BTBD7: variants seen among roughly 807,000 people sequenced by gnomAD.
The protein encoded by BTBD7 is BTB/POZ domain-containing protein 7.
BTBD7 carries 38 observed loss-of-function variants against 99.9 expected under a neutral mutation model. The ratio of observed to expected loss-of-function variants is 0.38; its 90% confidence interval spans 0.29 to 0.50. BTBD7 has a LOEUF of 0.50. Among genes scored for constraint, BTBD7 ranks in the 20% least tolerant of loss-of-function variants. The probability of loss-of-function intolerance (pLI) is 0.93; values close to 1 mark genes in which losing one functional copy is unlikely to be tolerated. For missense variants in BTBD7, 1,170 were observed against 1,394.6 expected (o/e 0.84, Z 2.57); for synonymous variants, 520 against 511.4 (o/e 1.02, Z -0.23).
At position 93,304,307 on chromosome 14, in the gene BTBD7, A is replaced by T. The variant is rs141292087; in HGVS notation, c.-106-8150T>A. On this transcript the variant is annotated intron_variant, in intron 1 of 10. Coordinates refer to ENST00000334746, the MANE Select transcript of BTBD7 (RefSeq NM_001002860.4). ...TGTACAGAAAGATGGTTCACTCTAG[A>T]TTTAGAGATGGTGATAAAAATGAGT... 1.6e-3 allele frequency among the ~76,000 whole-genome samples: 246 copies of T among 152,288 alleles called. 3 individuals carry two copies. Among genetic ancestry groups the T allele is most frequent in the Non-Finnish European group, 4.9e-4 (33 of 68,020 alleles).
intron 1 of BTBD7, among the ~76,000 whole-genome samples, chr14:93,328,779 G>A (rs79844160): frequency 1.2e-3 from 186 of 152,112 alleles, no homozygotes; most frequent in African/African-American, 4.3e-3. Flanking sequence ...TTAGCCAGGC[G>A]TGGATGTACG....
At chr14:93,297,851 A>G (rs1017286848) in intron 1 of BTBD7, among the ~76,000 whole-genome samples, 1 of 152,198 alleles carries the variant, frequency 6.6e-6, no homozygotes, top group African/African-American at 2.4e-5. Context: ...TATAAACAAA[A>G]ATCCAGAATA....
intron 3 of BTBD7, among the ~76,000 whole-genome samples, chr14:93,278,167 C>T (rs2052677415): frequency 6.6e-6 from 1 of 151,856 alleles, no homozygotes; most frequent in African/African-American, 2.4e-5. Flanking sequence ...AATCCCAGCA[C>T]TTTGGGAAGC....
At chr14:93,257,027 G>A (rs2052437777) in intron 6 of BTBD7, 168 bp downstream of exon 6, 1 of 647,490 alleles carries the variant, frequency 1.5e-6, no homozygotes. Flanking sequence ...TGTATTATGT[G>A]GAAGACACAG....
At chr14:93,332,741 C>T in intron 1 of BTBD7, 79 bp downstream of exon 1, 1 of 1,422,554 alleles carries the variant, frequency 7.0e-7, no homozygotes, top group Non-Finnish European at 9.2e-7. Context: ...AAGAACAGCC[C>T]CTTCCTCTCC....
chr14:93,245,792 A>T (rs1402562873), intron 10 of BTBD7, 33 bp downstream of exon 10: 3 of 1,587,856 alleles, frequency 1.9e-6, no homozygotes, highest in Non-Finnish European at 2.6e-6. Context: ...CCATAAACCG[A>T]ATTTGAAGCA....
At chr14:93,263,642 TA>T in intron 4 of BTBD7, 142 bp downstream of exon 4, 3 of 710,474 alleles carry the variant, frequency 4.2e-6, no homozygotes, top group South Asian at 3.7e-5. Context: ...GTTGTACAAC[TA>T]TGAAGAGGGC....
At chr14:93,328,611 T>TAAAAA (rs57161505) in intron 1 of BTBD7, among the ~76,000 whole-genome samples, 4 of 101,872 alleles carry the variant, frequency 3.9e-5, no homozygotes, top group Non-Finnish European at 6.1e-5. Context: ...TAAAATTCTT[T>TAAAAA]AAAAAAAAAA....
chr14:93,288,767 C>T (rs2052811437), intron 3 of BTBD7: 2 of 1,588,520 alleles, frequency 1.3e-6, no homozygotes, highest in African/African-American at 1.4e-5. Context: ...AGTGTAATTT[C>T]ACTGTGGAAA....
At position 93,246,295 on chromosome 14, in the gene BTBD7, GATT is replaced by G; in HGVS notation, c.2122-12_2122-10del. On this transcript the variant is annotated splice_polypyrimidine_tract_variant and intron_variant, in intron 9 of 10. Coordinates refer to ENST00000334746, the MANE Select transcript of BTBD7 (RefSeq NM_001002860.4). ...AAGAATTTGTGAGGATTCTAAAAAA[GATT>G]AAAAAAAAAAAAAAAGGACATTTAT... 1 of 1,255,064 alleles carries G rather than the reference GATT, an allele frequency of 8.0e-7. No individual in the cohort carries two copies. Among genetic ancestry groups the G allele is most frequent in the East Asian group, 2.8e-5 (1 of 35,126 alleles). The allele number at this position is 1,255,064 out of a possible 1,614,324, so 77.7% of individuals were successfully genotyped here.
At chr14:93,316,449 G>A (rs765368387) in intron 1 of BTBD7, among the ~76,000 whole-genome samples, 51 of 152,052 alleles carry the variant, frequency 3.4e-4, no homozygotes, top group Non-Finnish European at 6.3e-4. Context: ...AGGTCTTGGT[G>A]TGTTATAAAG....
chr14:93,327,031 C>A (rs888022530), intron 1 of BTBD7, among the ~76,000 whole-genome samples: 13 of 152,136 alleles, frequency 8.5e-5, no homozygotes, highest in African/African-American at 3.1e-4. Context: ...CATGGTGGCA[C>A]GTGCCTGTAT....
At chr14:93,285,581 T>C (rs920549504) in intron 3 of BTBD7, among the ~76,000 whole-genome samples, 1 of 152,236 alleles carries the variant, frequency 6.6e-6, no homozygotes, top group African/African-American at 2.4e-5. Context: ...ATGACAAGGA[T>C]GGTTAAAGTT....
chr14:93,256,092 T>C (rs1451043745), intron 6 of BTBD7: 1 of 152,242 alleles, frequency 6.6e-6, no homozygotes, highest in Non-Finnish European at 1.5e-5. Context: ...TGTTTTCTTC[T>C]AGTTCTTCCA....
intron 1 of BTBD7, among the ~76,000 whole-genome samples, chr14:93,300,702 ATTTGTGTGTGTGTGTGTGTGTGTGTGTG>A (rs2052985564): frequency 9.3e-6 from 1 of 107,506 alleles, no homozygotes; most frequent in African/African-American, 3.3e-5. Flanking sequence ...TGCCCAGCTA[ATTTGTGTGTGTGTGTGTGTGTGTGTGTG>A]TGTGTGTGTG....
At chr14:93,251,964 C>T (rs1208919108) in intron 7 of BTBD7, among the ~76,000 whole-genome samples, 1 of 152,140 alleles carries the variant, frequency 6.6e-6, no homozygotes, top group Non-Finnish European at 1.5e-5. Context: ...ACAATGTATA[C>T]ATGTGCTAAA....
chr14:93,296,807 A>G lies in BTBD7; in HGVS notation c.-106-650T>C, dbSNP rs942121524. On this transcript the variant is annotated intron_variant, in intron 1 of 10. Transcript: ENST00000334746. ...TATCTATCCACCCCATAAAGCCCTG[A>G]AAAAAAATCCTGCTTTCTATTATGT... Among the ~76,000 whole-genome samples, 3 of 152,194 alleles carry G rather than the reference A, an allele frequency of 2.0e-5. No homozygotes were observed. The East Asian group carries it at 5.8e-4, about 29-fold the overall frequency.
chr14:93,246,433 G>T, intron 9 of BTBD7, 147 bp from the exon 10 acceptor site: 1 of 972,560 alleles, frequency 1.0e-6, no homozygotes, highest in Non-Finnish European at 1.4e-6. Context: ...TAGGCCAGAA[G>T]CCCAAGAAAA....
At chr14:93,329,988 G>T (rs1356015607) in intron 1 of BTBD7, among the ~76,000 whole-genome samples, 2 of 152,218 alleles carry the variant, frequency 1.3e-5, no homozygotes, top group Non-Finnish European at 2.9e-5. Context: ...TAAGCCCACA[G>T]ATATCTGCTA....
Sources: gnomAD v4.1 joint callset for allele counts (sites outside exome capture counted in the v4.1 genomes callset) on GRCh38, gnomAD v4.1.1 for gene constraint, MANE v1.5 for transcripts, NCBI Gene and HGNC (gene_info 2026-07-23, HGNC 2026-07-21) for gene names.